Variants in RELL1 observed in about 807,000 individuals in gnomAD.
RELL1 encodes RELT-like protein 1.
In RELL1, 10 loss-of-function variants were observed where a neutral mutation model predicts 23.0. The ratio of observed to expected loss-of-function variants is 0.43; its 90% CI spans 0.27 to 0.74. The LOEUF is 0.74. RELL1 is among the 30% of genes least tolerant of loss of function. The probability of loss-of-function intolerance (pLI) is 0.19; values close to 1 mark genes in which losing one functional copy is unlikely to be tolerated. For synonymous variants in RELL1, 146 were observed against 146.8 expected (o/e 0.99, Z 0.04); for missense variants, 315 against 364.4 (o/e 0.86, Z 1.10).
chr4:37,686,073 T>C lies in RELL1; in HGVS notation c.88+127A>G, dbSNP rs1048988553. 9.8e-6 allele frequency: 8 copies of C among 815,660 alleles called. No homozygotes were observed. The African/African-American group carries it at 1.3e-4, about 13-fold the overall frequency. The allele number at this position is 815,660 out of a possible 1,614,324, so 50.5% of individuals were successfully genotyped here. On this transcript the variant is annotated intron_variant, in intron 1 of 6. Coordinates refer to ENST00000454158, the MANE Select transcript of RELL1 (RefSeq NM_001085400.2). Reference sequence around the variant, plus strand: ...CGCCGCGGGACAGCCAGTTGTTCAGTGCCGGGATCCCGCGGCTGTGCCAGA... The same window carrying C: ...CGCCGCGGGACAGCCAGTTGTTCAGCGCCGGGATCCCGCGGCTGTGCCAGA...
intron 6 of RELL1, among the ~76,000 whole-genome samples, chr4:37,627,966 A>C (rs1720006804): frequency 6.6e-6 from 1 of 152,238 alleles, no homozygotes; most frequent in Non-Finnish European, 1.5e-5. Flanking sequence ...GCCCAGAAGT[A>C]AAATTTTCAG....
At chr4:37,635,221 A>C in intron 4 of RELL1, 98 bp from the exon 5 acceptor site, 1 of 982,682 alleles carries the variant, frequency 1.0e-6, no homozygotes, top group Non-Finnish European at 1.5e-6. Flanking sequence ...TTAAATTGAA[A>C]GAAAAAAAAA....
chr4:37,589,820 T>C (rs147651817), downstream of RELL1, among the ~76,000 whole-genome samples: 137 of 152,280 alleles, frequency 9.0e-4, 2 homozygotes, highest in East Asian at 0.025. Flanking sequence ...TTAGTAAAGA[T>C]GGGGTTTCAC....
rs1239579321 is a variant in RELL1 at position 37,669,186 on chromosome 4, G to T, written c.88+17014C>A. On this transcript the variant is annotated intron_variant, in intron 1 of 6. Coordinates refer to ENST00000454158, the MANE Select transcript of RELL1 (RefSeq NM_001085400.2). ...CGCCCCGTCCGGGAGGGAGGTGGGG[G>T]GGGGGGTCAGCCCCCTGCCTGGCCA... 1.2e-4 allele frequency among the ~76,000 whole-genome samples: 17 copies of T among 137,480 alleles called. 3 individuals carry two copies. Among genetic ancestry groups the T allele is most frequent in the African/African-American group, 4.9e-4 (16 of 32,882 alleles). The allele number at this position is 137,480 out of a possible 152,430, so 90.2% of individuals were successfully genotyped here.
chr4:37,672,781 G>C (rs1721874508), intron 1 of RELL1, among the ~76,000 whole-genome samples: 1 of 152,304 alleles, frequency 6.6e-6, no homozygotes. Flanking sequence ...AAGGGACTGA[G>C]AAAACTCACC....
chr4:37,592,337 G>A (rs553138711), intron 6 of RELL1, among the ~76,000 whole-genome samples: 46 of 134,118 alleles, frequency 3.4e-4, no homozygotes, highest in South Asian at 2.4e-3. Context: ...GCAATTTAGC[G>A]AGACCCCATC....
intron 6 of RELL1, among the ~76,000 whole-genome samples, chr4:37,617,654 A>G (rs1419829632): frequency 6.6e-6 from 1 of 152,100 alleles, no homozygotes; most frequent in Non-Finnish European, 1.5e-5. Context: ...ATGATGACGC[A>G]TGCCTGTAGT....
chr4:37,637,281 T>C (rs1477178678), intron 4 of RELL1, among the ~76,000 whole-genome samples: 1 of 152,208 alleles, frequency 6.6e-6, no homozygotes, highest in Admixed American at 6.5e-5. Flanking sequence ...GTTACCTTTC[T>C]AAAACACACA....
rs533389349 is a variant in RELL1 at position 37,623,020 on chromosome 4, GTC to G, written c.*3+8363_*3+8364del. The G allele has an allele frequency of 5.4e-4, 191 of 352,782 alleles. 1 individual carries two copies. The highest frequency in any genetic ancestry group is 3.8e-3 in the African/African-American group (176 of 46,096). The allele number at this position is 352,782 out of a possible 1,614,324, so 21.9% of individuals were successfully genotyped here. The stretch of plus-strand genomic sequence containing the variant: ...GGGTTTCACCGTGTTGTCCAGGCTG[GTC>G]TCGAACTCCTGACCTCATGATCTGC... On this transcript the variant is annotated intron_variant, in intron 6 of 6. Transcript: ENST00000454158.
chr4:37,639,432 T>A (rs1720447736), intron 3 of RELL1, among the ~76,000 whole-genome samples: 2 of 138,176 alleles, frequency 1.4e-5, no homozygotes, highest in African/African-American at 2.7e-5. Flanking sequence ...TCACAACATA[T>A]AAGTTATGTA....
downstream of RELL1, chr4:37,590,094 CTT>C: frequency 6.2e-7 from 1 of 1,611,588 alleles, no homozygotes; most frequent in South Asian, 1.1e-5. Context: ...GAAGCTATCT[CTT>C]TGATCCAGTT....
At chr4:37,598,093 A>G (rs183001156) in intron 6 of RELL1, among the ~76,000 whole-genome samples, 1 of 144,576 alleles carries the variant, frequency 6.9e-6, no homozygotes, top group East Asian at 2.0e-4. Context: ...ATATATATAT[A>G]TAACTCCTCC....
chr4:37,666,208 G>C (rs1454144654), intron 1 of RELL1, among the ~76,000 whole-genome samples: 3 of 152,184 alleles, frequency 2.0e-5, no homozygotes, highest in Non-Finnish European at 2.9e-5. Flanking sequence ...AAATGGAGAT[G>C]ATCAAGAACA....
chr4:37,677,195 T>C (rs913376230), intron 1 of RELL1, among the ~76,000 whole-genome samples: 1 of 152,216 alleles, frequency 6.6e-6, no homozygotes, highest in Non-Finnish European at 1.5e-5. Flanking sequence ...CCCTTGAGCA[T>C]GAGGATCAAG....
At position 37,636,677 on chromosome 4, in the gene RELL1, G is replaced by A. The variant is rs16993724; in HGVS notation, c.444-1554C>T. ...CATGTGTGAAGGCTCTGGCCCAGCA[G>A]AAAAGGAGGAATTCTAACCTAACAG... On this transcript the variant is annotated intron_variant, in intron 4 of 6. Coordinates refer to ENST00000454158, the MANE Select transcript of RELL1 (RefSeq NM_001085400.2). Among the ~76,000 whole-genome samples the A allele has an allele frequency of 3.9e-3, 598 of 152,038 alleles. 5 individuals are homozygous for A. The highest frequency in any genetic ancestry group is 0.013 in the African/African-American group (529 of 41,492).
At chr4:37,660,054 T>A (rs549193310) in intron 1 of RELL1, among the ~76,000 whole-genome samples, 1 of 152,290 alleles carries the variant, frequency 6.6e-6, no homozygotes, top group South Asian at 2.1e-4. Flanking sequence ...AAAATAGTTT[T>A]TAAGCACACA....
chr4:37,588,959 T>G, downstream of RELL1: 1 of 1,270,494 alleles, frequency 7.9e-7, no homozygotes. Context: ...TGGGGTCACT[T>G]TTAAAGACCA....
intron 6 of RELL1, chr4:37,623,296 A>C (rs188885776): frequency 5.8e-4 from 93 of 160,432 alleles, no homozygotes; most frequent in African/African-American, 2.1e-3. Flanking sequence ...GATGCCAAGG[A>C]GGCCATCCAA....
At chr4:37,598,737 T>C (rs952027185) in intron 6 of RELL1, among the ~76,000 whole-genome samples, 24 of 151,926 alleles carry the variant, frequency 1.6e-4, no homozygotes, top group African/African-American at 5.6e-4. Context: ...CAGGCTGGAG[T>C]GCAGTGGTGT....
Sources: gnomAD v4.1 joint callset for allele counts (sites outside exome capture counted in the v4.1 genomes callset) on GRCh38, gnomAD v4.1.1 for gene constraint, MANE v1.5 for transcripts, NCBI Gene and HGNC (gene_info 2026-07-23, HGNC 2026-07-21) for gene names.